The following CPNE5 variants were observed in gnomAD, a reference collection of about 807,000 sequenced individuals.
CPNE5 encodes copine 5, also known as copine-5.
In CPNE5, 42 loss-of-function variants were observed where a neutral mutation model predicts 81.1. The observed-to-expected ratio is 0.52, with a 90% CI of 0.40 to 0.67. CPNE5 has a LOEUF of 0.67. CPNE5 is among the 30% of genes least tolerant of loss of function. CPNE5 has a pLI of 0.00. For missense variants in CPNE5, 612 were observed against 815.5 expected, an observed-to-expected ratio of 0.75 and a Z score of 3.04; for synonymous variants, 313 against 321.5, an observed-to-expected ratio of 0.97 and a Z score of 0.28.
chr6:36,792,321 T>A (rs1769174561), intron 7 of CPNE5: 2 of 1,522,280 alleles, frequency 1.3e-6, no homozygotes, highest in Non-Finnish European at 1.8e-6. Context: ...CCCCACCCCC[T>A]GCTCCCCGAG....
At chr6:36,827,970 G>A (rs1280658182) in intron 1 of CPNE5, among the ~76,000 whole-genome samples, 1 of 152,084 alleles carries the variant, frequency 6.6e-6, no homozygotes, top group Admixed American at 6.5e-5. Flanking sequence ...CCAGGAAGCA[G>A]AGCCAAGAGC....
At chr6:36,757,668 T>G (rs1765615458) in intron 12 of CPNE5, among the ~76,000 whole-genome samples, 1 of 152,036 alleles carries the variant, frequency 6.6e-6, no homozygotes, top group Admixed American at 6.6e-5. Flanking sequence ...GGGCAAAAAG[T>G]GACAAGGGCC....
chr6:36,762,020 G>T (rs1388543524), intron 12 of CPNE5, among the ~76,000 whole-genome samples: 1 of 152,122 alleles, frequency 6.6e-6, no homozygotes, highest in African/African-American at 2.4e-5. Context: ...GGGAGGCCAA[G>T]GCAGGAGGAT....
intron 11 of CPNE5, among the ~76,000 whole-genome samples, chr6:36,764,654 T>G (rs763047): frequency 0.63 from 96,270 of 151,864 alleles, 31,919 homozygotes; most frequent in Non-Finnish European, 0.75. Flanking sequence ...CCTCTATGGA[T>G]TCCCAGAAGT....
At chr6:36,759,317 A>G (rs1463170463) in intron 12 of CPNE5, among the ~76,000 whole-genome samples, 1 of 151,822 alleles carries the variant, frequency 6.6e-6, no homozygotes, top group Non-Finnish European at 1.5e-5. Context: ...CAGCCCCGCC[A>G]CGGTGAATCC....
At chr6:36,827,870 G>A (rs898224456) in intron 1 of CPNE5, 8 of 433,316 alleles carry the variant, frequency 1.8e-5, no homozygotes, top group African/African-American at 1.6e-4. Flanking sequence ...CAGGAAAAAC[G>A]TATTTTTTTT....
Position 36,798,968 on chromosome 6 carries a change from C to A in CPNE5, c.288-474G>T, listed in dbSNP as rs117765441. On this transcript the variant is annotated intron_variant, in intron 4 of 20. Coordinates refer to ENST00000244751, the MANE Select transcript of CPNE5 (RefSeq NM_020939.2). ...ACCCTACCCAGGCCTGCCCAGCTTG[C>A]CCACAGGCCTGGTCACTCAAGAAGG... Among the ~76,000 whole-genome samples the A allele has an allele frequency of 4.6e-5, 7 of 152,258 alleles. No homozygotes were observed. The East Asian group carries it at 1.4e-3, about 29-fold the overall frequency.
At chr6:36,758,858 C>T (rs1038288847) in intron 12 of CPNE5, among the ~76,000 whole-genome samples, 14 of 152,250 alleles carry the variant, frequency 9.2e-5, no homozygotes, top group African/African-American at 3.1e-4. Flanking sequence ...TGAGAGAGCC[C>T]GGGAGAGAAG....
intron 9 of CPNE5, among the ~76,000 whole-genome samples, chr6:36,777,679 G>A (rs373571059): frequency 6.6e-6 from 1 of 151,450 alleles, no homozygotes; most frequent in Non-Finnish European, 1.5e-5. Context: ...TGTTTTGTAC[G>A]TTCAGGAAAA....
chr6:36,795,209 C>A (rs897235949), intron 6 of CPNE5, among the ~76,000 whole-genome samples: 2 of 152,136 alleles, frequency 1.3e-5, no homozygotes, highest in Non-Finnish European at 2.9e-5. Context: ...AACAGAGTCT[C>A]GCTCTGTCAC....
At chr6:36,760,152 GGA>G (rs1765881435) in intron 12 of CPNE5, among the ~76,000 whole-genome samples, 1 of 151,160 alleles carries the variant, frequency 6.6e-6, no homozygotes, top group Non-Finnish European at 1.5e-5. Context: ...AAGTAGAGGT[GGA>G]GGTTGCAGTA....
At chr6:36,828,271 A>G (rs2150605770) in intron 1 of CPNE5, among the ~76,000 whole-genome samples, 2 of 147,488 alleles carry the variant, frequency 1.4e-5, no homozygotes, top group East Asian at 2.0e-4. Context: ...CCTCAGCAAC[A>G]CAGTGAGATT....
chr6:36,790,992 G>A (rs562952793), intron 8 of CPNE5, among the ~76,000 whole-genome samples: 6 of 152,260 alleles, frequency 3.9e-5, no homozygotes, highest in South Asian at 2.1e-4. Context: ...TAGCTGATCC[G>A]TAGCACTGAC....
intron 13 of CPNE5, 127 bp downstream of exon 13, chr6:36,756,112 CATCTCT>C: frequency 5.7e-6 from 3 of 523,828 alleles, no homozygotes; most frequent in Non-Finnish European, 6.9e-6. Context: ...CTCCCCACCC[CATCTCT>C]CTTGGATGTC....
Position 36,822,110 on chromosome 6 carries a change from C to T in CPNE5, c.183+4G>A. ...TTTCTGGTGTGGGAAGGAGCTGCAC[C>T]TACCTCCCGCCACTGCTTGTTCTCC... On this transcript the variant is annotated splice_donor_region_variant and intron_variant, in intron 3 of 20. Coordinates refer to ENST00000244751, the MANE Select transcript of CPNE5 (RefSeq NM_020939.2). 10 of 1,536,496 alleles carry T rather than the reference C, an allele frequency of 6.5e-6. No homozygotes were observed. Among genetic ancestry groups the T allele is most frequent in the Non-Finnish European group, 7.0e-6 (8 of 1,136,116 alleles).
chr6:36,742,400 G>T lies in CPNE5; in HGVS notation c.1650C>A (p.Ile550=). The T allele has an allele frequency of 6.2e-7, 1 of 1,613,758 alleles. No homozygotes were observed. Among genetic ancestry groups the T allele is most frequent in the Non-Finnish European group, 8.5e-7 (1 of 1,180,008 alleles). The part of the protein sequence containing the change: ...ARLARDVLAE[I]PDQLVSYMKA... The stretch of plus-strand genomic sequence containing the variant: ...TCATGTAGGACACCAGTTGGTCAGG[G>T]ATCTCTGCCAGCACGTCTCGGGCCA... The change falls in exon 21 of 21, where the codon ATC becomes ATA. Residue 550 remains isoleucine (I), a synonymous_variant. Coordinates refer to ENST00000244751, the MANE Select transcript of CPNE5 (RefSeq NM_020939.2).
chr6:36,745,550 A>G, intron 16 of CPNE5, 35 bp from the exon 17 acceptor site: 1 of 1,581,940 alleles, frequency 6.3e-7, no homozygotes, highest in Non-Finnish European at 8.6e-7. Context: ...TGAGCCCAGG[A>G]AGGAAGGACA....
At chr6:36,790,790 G>A (rs1180359865) in intron 8 of CPNE5, among the ~76,000 whole-genome samples, 1 of 152,008 alleles carries the variant, frequency 6.6e-6, no homozygotes, top group African/African-American at 2.4e-5. Context: ...TGATCCGCCC[G>A]CCTCGGCCTC....
At chr6:36,773,829 A>G (rs1767255445) in intron 10 of CPNE5, among the ~76,000 whole-genome samples, 1 of 152,206 alleles carries the variant, frequency 6.6e-6, no homozygotes, top group African/African-American at 2.4e-5. Context: ...ATGATAGCCA[A>G]CATGTAATAA....
Sources: gnomAD v4.1 joint callset for allele counts (sites outside exome capture counted in the v4.1 genomes callset) on GRCh38, gnomAD v4.1.1 for gene constraint, MANE v1.5 for transcripts, NCBI Gene and HGNC (gene_info 2026-07-23, HGNC 2026-07-21) for gene names.